PDE11A: variants seen among roughly 807,000 people sequenced by gnomAD.
The protein encoded by PDE11A is dual 3',5'-cyclic-AMP and -GMP phosphodiesterase 11A.
PDE11A carries 100 observed loss-of-function variants against 100.5 expected under a neutral mutation model. The ratio of observed to expected loss-of-function variants is 1.00; its 90% confidence interval spans 0.85 to 1.18. The LOEUF (loss-of-function observed/expected upper bound fraction) is 1.18. Among genes scored for constraint, PDE11A ranks in the 50% most tolerant of loss-of-function variants. The pLI is 0.00. For synonymous variants in PDE11A, 381 were observed against 420.8 expected, an observed-to-expected ratio of 0.91 and a Z score of 1.16; for missense variants, 1,141 against 1,152.6, an observed-to-expected ratio of 0.99 and a Z score of 0.15.
intron 13 of PDE11A, among the ~76,000 whole-genome samples, chr2:177,709,508 C>T (rs1225286726): frequency 2.0e-5 from 3 of 152,108 alleles, no homozygotes; most frequent in Admixed American, 6.5e-5. Flanking sequence ...GACTGTAGGA[C>T]TTTGAAGAGG....
chr2:177,652,942 T>A (rs552341299), intron 19 of PDE11A, among the ~76,000 whole-genome samples: 2 of 152,174 alleles, frequency 1.3e-5, no homozygotes, highest in Admixed American at 6.5e-5. Context: ...GTGGACCTTA[T>A]CTGTTTGCAT....
intron 5 of PDE11A, among the ~76,000 whole-genome samples, chr2:177,851,214 G>T (rs1319183252): frequency 2.0e-5 from 3 of 152,074 alleles, no homozygotes; most frequent in Non-Finnish European, 2.9e-5. Flanking sequence ...CCATAAAAAA[G>T]GATGAGTTCA....
intron 12 of PDE11A, among the ~76,000 whole-genome samples, chr2:177,722,652 T>C (rs1411555459): frequency 6.6e-6 from 1 of 152,164 alleles, no homozygotes; most frequent in African/African-American, 2.4e-5. Flanking sequence ...AGTATTCAAA[T>C]TGATTAGCCC....
intron 10 of PDE11A, among the ~76,000 whole-genome samples, chr2:177,735,401 GA>G (rs199664720): frequency 1.6e-4 from 23 of 144,696 alleles, no homozygotes; most frequent in Non-Finnish European, 2.1e-4. Flanking sequence ...ATGATTCGTG[GA>G]AAAAAAAAAC....
chr2:178,064,652 TA>T (rs77529888), intron 1 of PDE11A, among the ~76,000 whole-genome samples: 602 of 138,590 alleles, frequency 4.3e-3, no homozygotes, highest in Non-Finnish European at 4.7e-3. Flanking sequence ...GTTATTATGT[TA>T]AAAAAAAAAA....
chr2:177,798,303 A>T (rs1044424902), intron 9 of PDE11A, among the ~76,000 whole-genome samples: 2 of 152,234 alleles, frequency 1.3e-5, no homozygotes, highest in African/African-American at 2.4e-5. Context: ...TACACTTGGC[A>T]GTAATCATAC....
intron 2 of PDE11A, among the ~76,000 whole-genome samples, chr2:178,001,311 T>TGTGTGTGG (rs59287027): frequency 8.9e-4 from 132 of 148,124 alleles, no homozygotes; most frequent in Non-Finnish European, 1.3e-3. Context: ...TGTGTGTGTG[T>TGTGTGTGG]AGTAGGTTTA....
intron 13 of PDE11A, among the ~76,000 whole-genome samples, chr2:177,711,017 G>T (rs536172801): frequency 3.4e-4 from 51 of 152,234 alleles, no homozygotes; most frequent in Non-Finnish European, 6.2e-4. Flanking sequence ...GACAGTGAAA[G>T]AAACATTAAC....
intron 19 of PDE11A, among the ~76,000 whole-genome samples, chr2:177,637,979 G>GCA (rs2080071713): frequency 2.0e-5 from 1 of 50,966 alleles, no homozygotes; most frequent in African/African-American, 6.0e-5. Context: ...ATATACACGT[G>GCA]TATATATATA....
intron 9 of PDE11A, among the ~76,000 whole-genome samples, chr2:177,789,475 G>A (rs1342670033): frequency 6.6e-6 from 1 of 151,560 alleles, no homozygotes; most frequent in African/African-American, 2.4e-5. Context: ...TTGAAAACTG[G>A]CACAAGACAG....
In PDE11A at chr2:177,783,533, T is replaced by C. The variant is rs1026142109; in HGVS notation, c.1738-14160A>G. ...TAAGCTCATTAAAATTACTACTACC[T>C]TTTTTCCTGAGGCCCTGCAAGCTAA... On this transcript the variant is annotated intron_variant, in intron 9 of 19. Transcript: ENST00000286063. Among the ~76,000 whole-genome samples, 7 of 152,184 alleles carry C rather than the reference T, an allele frequency of 4.6e-5. No individual in the cohort carries two copies. In the East Asian group the frequency reaches 1.3e-3, roughly 29 times the overall value.
intron 19 of PDE11A, among the ~76,000 whole-genome samples, chr2:177,637,998 T>TATATATATATATATATATA (rs1491152209): frequency 6.8e-4 from 15 of 22,174 alleles, no homozygotes; most frequent in African/African-American, 1.6e-3. Context: ...TATATATATA[T>TATATATATATATATATATA]TTTTTTTTTT....
intron 2 of PDE11A, among the ~76,000 whole-genome samples, chr2:178,006,044 T>G (rs145850294): frequency 1.1e-3 from 166 of 152,304 alleles, no homozygotes; most frequent in African/African-American, 3.8e-3. Context: ...TAAATCTACA[T>G]GCATACCAAG....
Position 178,072,166 on chromosome 2 carries a change from C to T in PDE11A, c.272G>A (p.Gly91Glu), listed in dbSNP as rs2087142305. ...SAHSQPLPGG[G>E]DCGGVPLSPS... is the part of the protein sequence containing the mutation. Reference sequence around the variant, plus strand: ...ACTCAAGGGAACCCCACCACAGTCCCCGCCACCGGGAAGGGGCTGGCTGTG... The same window carrying T: ...ACTCAAGGGAACCCCACCACAGTCCTCGCCACCGGGAAGGGGCTGGCTGTG... The change falls in exon 1 of 20, where the codon GGG becomes GAG. Residue 91 changes from glycine to glutamate, a missense_variant. By Grantham distance (98) the Gly-to-Glu change is moderately conservative. Coordinates refer to ENST00000286063, the MANE Select transcript of PDE11A (RefSeq NM_016953.4). 8 of 1,614,044 alleles carry T rather than the reference C, an allele frequency of 5.0e-6. No individual in the cohort carries two copies. The highest frequency in any genetic ancestry group is 6.8e-6 in the Non-Finnish European group (8 of 1,179,968).
intron 2 of PDE11A, among the ~76,000 whole-genome samples, chr2:177,957,307 A>G (rs1372047584): frequency 3.3e-5 from 5 of 152,282 alleles, no homozygotes; most frequent in East Asian, 1.9e-4. Context: ...TTTATTTTCA[A>G]TGGTCTCAGA....
intron 2 of PDE11A, among the ~76,000 whole-genome samples, chr2:178,089,107 T>G (rs1163128987): frequency 6.6e-6 from 1 of 152,126 alleles, no homozygotes; most frequent in East Asian, 1.9e-4. Flanking sequence ...TTGATGTGAA[T>G]AAGGAATTTA....
chr2:177,979,711 T>C (rs2085856840), intron 2 of PDE11A, among the ~76,000 whole-genome samples: 1 of 144,368 alleles, frequency 6.9e-6, no homozygotes, highest in South Asian at 2.3e-4. Context: ...CCCGGGTTCA[T>C]GACATTTTCC....
intron 9 of PDE11A, among the ~76,000 whole-genome samples, chr2:177,771,107 G>T (rs1574125042): frequency 6.6e-6 from 1 of 152,172 alleles, no homozygotes; most frequent in Admixed American, 6.5e-5. Flanking sequence ...GGGATTATAG[G>T]CATGAGCCTT....
chr2:177,879,133 G>C (rs1435858994), intron 4 of PDE11A, among the ~76,000 whole-genome samples: 6 of 152,306 alleles, frequency 3.9e-5, no homozygotes, highest in South Asian at 4.1e-4. Context: ...AAGAGTAGAT[G>C]TTAATTTCTG....
Sources: allele counts gnomAD v4.1 joint callset (sites outside exome capture counted in the v4.1 genomes callset), GRCh38; gene constraint gnomAD v4.1.1; transcripts MANE v1.5; gene names NCBI Gene and HGNC (gene_info 2026-07-23, HGNC 2026-07-21).